CSMD1: variants seen among roughly 807,000 people sequenced by gnomAD.
CSMD1 encodes the protein CUB and sushi domain-containing protein 1.
Under a neutral mutation model 417.5 loss-of-function variants are expected in CSMD1, and 213 were observed. That is an observed-to-expected ratio of 0.51 (90% CI 0.46 to 0.57). The LOEUF (loss-of-function observed/expected upper bound fraction) is 0.57, where lower values mean the gene tolerates loss of function less well. Among genes scored for constraint, CSMD1 ranks in the 20% least tolerant of loss-of-function variants. The pLI is 0.00. For synonymous variants in CSMD1, 2,862 were observed against 1,736.8 expected (o/e 1.65, Z -16.11); for missense variants, 6,923 against 4,529.7 (o/e 1.53, Z -15.17).
chr8:4,093,179 A>T (rs1329355582), intron 3 of CSMD1, among the ~76,000 whole-genome samples: 2 of 152,242 alleles, frequency 1.3e-5, no homozygotes, highest in African/African-American at 4.8e-5. Context: ...TAACAAGTAA[A>T]CAGAAAATTT....
At chr8:4,365,719 C>T (rs1353454185) in intron 3 of CSMD1, among the ~76,000 whole-genome samples, 1 of 152,152 alleles carries the variant, frequency 6.6e-6, no homozygotes, top group Non-Finnish European at 1.5e-5. Flanking sequence ...CTGCCACGTG[C>T]TTTAGGCTGA....
intron 6 of CSMD1, among the ~76,000 whole-genome samples, chr8:3,740,925 G>C (rs1796768319): frequency 6.6e-6 from 1 of 152,026 alleles, no homozygotes; most frequent in Non-Finnish European, 1.5e-5. Context: ...ATCAGAAGAA[G>C]ATAGAGGGGG....
intron 10 of CSMD1, among the ~76,000 whole-genome samples, chr8:3,551,214 T>G (rs1798895908): frequency 6.6e-6 from 1 of 152,186 alleles, no homozygotes; most frequent in Non-Finnish European, 1.5e-5. Context: ...CATAATTACT[T>G]AAAGTTTCTA....
At chr8:4,122,633 A>T (rs990961928) in intron 3 of CSMD1, among the ~76,000 whole-genome samples, 3 of 152,164 alleles carry the variant, frequency 2.0e-5, no homozygotes, top group African/African-American at 7.2e-5. Flanking sequence ...TAAGCCTCCA[A>T]TCGCCAAACC....
chr8:3,995,606 G>A (rs1431882919), intron 5 of CSMD1, among the ~76,000 whole-genome samples: 2 of 152,168 alleles, frequency 1.3e-5, no homozygotes, highest in East Asian at 1.9e-4. Flanking sequence ...GCTCTGCCAA[G>A]GGCTCCATCA....
At chr8:2,973,072 T>C in intron 57 of CSMD1, 45 bp downstream of exon 57, 2 of 1,578,730 alleles carry the variant, frequency 1.3e-6, no homozygotes, top group Non-Finnish European at 1.7e-6. Flanking sequence ...ACGAGCTGTG[T>C]GGTTTTAACT....
intron 1 of CSMD1, among the ~76,000 whole-genome samples, chr8:4,750,803 T>C (rs1215327001): frequency 1.3e-5 from 2 of 152,158 alleles, no homozygotes; most frequent in African/African-American, 4.8e-5. Context: ...TTGGTTGCTT[T>C]TTTATGCTTG....
chr8:4,939,718 G>A (rs1478411295), intron 1 of CSMD1, among the ~76,000 whole-genome samples: 1 of 152,158 alleles, frequency 6.6e-6, no homozygotes, highest in African/African-American at 2.4e-5. Flanking sequence ...AATTTCAAGT[G>A]ATCTATTGTA....
intron 1 of CSMD1, among the ~76,000 whole-genome samples, chr8:4,764,245 G>A (rs1225165354): frequency 1.3e-5 from 2 of 152,198 alleles, no homozygotes; most frequent in Non-Finnish European, 1.5e-5. Flanking sequence ...ATTGTACAGA[G>A]ATTAGGGAAA....
In CSMD1 at chr8:4,273,087, T is replaced by G. The variant is rs552924050; in HGVS notation, c.415+146866A>C. On this transcript the variant is annotated intron_variant, in intron 3 of 69. Coordinates refer to ENST00000635120, the MANE Select transcript of CSMD1 (RefSeq NM_033225.6). The stretch of plus-strand genomic sequence containing the variant: ...TCATTTGATTTTTGAGGAAGAAGTA[T>G]AAAAAATATAAACAAATGAAAGCCA... Among the ~76,000 whole-genome samples the G allele has an allele frequency of 4.6e-5, 7 of 152,104 alleles. No homozygotes were observed. In the East Asian group the frequency reaches 1.2e-3, roughly 25 times the overall value.
intron 2 of CSMD1, among the ~76,000 whole-genome samples, chr8:4,520,312 G>C (rs943430985): frequency 1.3e-5 from 2 of 152,136 alleles, no homozygotes; most frequent in Non-Finnish European, 1.5e-5. Context: ...GACTAATGTA[G>C]AACATTTGCT....
chr8:4,873,089 T>A (rs768222398), intron 1 of CSMD1, among the ~76,000 whole-genome samples: 1 of 152,120 alleles, frequency 6.6e-6, no homozygotes, highest in Non-Finnish European at 1.5e-5. Flanking sequence ...ATGTATACAT[T>A]GTAACATGGT....
At chr8:4,085,788 T>G (rs1303493800) in intron 3 of CSMD1, among the ~76,000 whole-genome samples, 2 of 152,134 alleles carry the variant, frequency 1.3e-5, no homozygotes, top group African/African-American at 4.8e-5. Context: ...AGTAAATATG[T>G]TTATCATAAA....
intron 50 of CSMD1, among the ~76,000 whole-genome samples, chr8:3,031,111 C>G (rs1810312306): frequency 6.6e-6 from 1 of 151,992 alleles, no homozygotes; most frequent in South Asian, 2.1e-4. Context: ...CTTACAATTT[C>G]TAGCAAAACT....
At chr8:3,297,929 G>C (rs1299011892) in intron 25 of CSMD1, among the ~76,000 whole-genome samples, 1 of 152,116 alleles carries the variant, frequency 6.6e-6, no homozygotes, top group African/African-American at 2.4e-5. Context: ...ATAAAAAAAT[G>C]GGCAAAAGGC....
intron 2 of CSMD1, among the ~76,000 whole-genome samples, chr8:4,630,694 A>T (rs1332964085): frequency 6.6e-6 from 1 of 152,172 alleles, no homozygotes; most frequent in Admixed American, 6.5e-5. Flanking sequence ...AGTGGACCAA[A>T]CACCTCTGCT....
intron 4 of CSMD1, among the ~76,000 whole-genome samples, chr8:4,006,727 T>C (rs1167233805): frequency 2.6e-5 from 4 of 151,940 alleles, no homozygotes; most frequent in African/African-American, 4.8e-5. Context: ...TAAAATGAAG[T>C]CCAGACTGGA....
chr8:4,541,384 G>C (rs1282966370), intron 2 of CSMD1, among the ~76,000 whole-genome samples: 5 of 152,154 alleles, frequency 3.3e-5, no homozygotes, highest in Non-Finnish European at 5.9e-5. Flanking sequence ...TTATAGTTTT[G>C]CTTATTTTGT....
chr8:3,898,928 C>T (rs1807543959), intron 5 of CSMD1, among the ~76,000 whole-genome samples: 1 of 152,114 alleles, frequency 6.6e-6, no homozygotes, highest in South Asian at 2.1e-4. Context: ...ATTCAAGAAC[C>T]TCTGCCCTCA....
Sources: gnomAD v4.1 joint callset for allele counts (sites outside exome capture counted in the v4.1 genomes callset) on GRCh38, gnomAD v4.1.1 for gene constraint, MANE v1.5 for transcripts, NCBI Gene and HGNC (gene_info 2026-07-23, HGNC 2026-07-21) for gene names.